Variants in EPHA6 observed in about 807,000 individuals in gnomAD.
EPHA6 encodes the protein EPH receptor A6.
EPHA6 carries 50 observed loss-of-function variants against 112.0 expected under a neutral mutation model. That is an observed-to-expected ratio of 0.45 (90% CI 0.36 to 0.56). The LOEUF (loss-of-function observed/expected upper bound fraction) is 0.56, where lower values mean the gene tolerates loss of function less well. Among genes scored for constraint, EPHA6 ranks in the 20% least tolerant of loss-of-function variants. The probability of loss-of-function intolerance (pLI) is 0.00; values close to 1 mark genes in which losing one functional copy is unlikely to be tolerated. For synonymous variants in EPHA6, 529 were observed against 490.7 expected, an observed-to-expected ratio of 1.08 and a Z score of -1.03; for missense variants, 1,280 against 1,417.4, an observed-to-expected ratio of 0.90 and a Z score of 1.56.
intron 3 of EPHA6, among the ~76,000 whole-genome samples, chr3:97,048,780 G>T (rs376648642): frequency 6.6e-6 from 1 of 152,060 alleles, no homozygotes; most frequent in African/African-American, 2.4e-5. Flanking sequence ...TTTAAATGAG[G>T]AGGAGAGAAA....
At position 97,720,260 on chromosome 3, in the gene EPHA6, G is replaced by T; in HGVS notation, c.2785-1G>T. The T allele has an allele frequency of 1.3e-6, 2 of 1,573,742 alleles. No homozygotes were observed. Among genetic ancestry groups the T allele is most frequent in the East Asian group, 2.3e-5 (1 of 43,216 alleles). On this transcript the variant is annotated splice_acceptor_variant, in intron 14 of 17. Transcript: ENST00000389672. LOFTEE classifies it high-confidence loss of function. ...TAAGAAATCTCCAATTTGTTTTCCA[G>T]GGTGGAAAAATCCCCATAAGGTGGA...
chr3:96,857,894 C>T (rs888361103), intron 1 of EPHA6, among the ~76,000 whole-genome samples: 1 of 152,062 alleles, frequency 6.6e-6, no homozygotes. Context: ...GGTTTAATGA[C>T]CCAATAACCA....
chr3:97,270,189 A>T (rs2108638457), intron 5 of EPHA6, among the ~76,000 whole-genome samples: 1 of 152,356 alleles, frequency 6.6e-6, no homozygotes, highest in East Asian at 1.9e-4. Flanking sequence ...AAGCAAAATT[A>T]CTGTCAAAAA....
intron 16 of EPHA6, among the ~76,000 whole-genome samples, chr3:97,744,769 A>G (rs1162961636): frequency 6.6e-6 from 1 of 152,020 alleles, no homozygotes; most frequent in African/African-American, 2.4e-5. Context: ...TGAAATTTCA[A>G]GAGTGATTCC....
At chr3:97,446,290 G>A (rs1487028492) in intron 6 of EPHA6, among the ~76,000 whole-genome samples, 1 of 150,776 alleles carries the variant, frequency 6.6e-6, no homozygotes, top group East Asian at 1.9e-4. Flanking sequence ...CTCACCGGTA[G>A]TGAGTGATTC....
At chr3:97,744,973 G>A (rs984300691) in intron 16 of EPHA6, among the ~76,000 whole-genome samples, 1 of 151,766 alleles carries the variant, frequency 6.6e-6, no homozygotes, top group Admixed American at 6.6e-5. Flanking sequence ...TCTAACATGT[G>A]GTTTTATTTA....
chr3:97,232,061 C>T (rs1360030353), intron 4 of EPHA6, among the ~76,000 whole-genome samples: 1 of 152,124 alleles, frequency 6.6e-6, no homozygotes, highest in Non-Finnish European at 1.5e-5. Context: ...TTCTGAGGCC[C>T]TGCAGTTTCC....
chr3:97,470,989 G>C (rs573348604), intron 7 of EPHA6, among the ~76,000 whole-genome samples: 1 of 151,578 alleles, frequency 6.6e-6, no homozygotes, highest in African/African-American at 2.4e-5. Context: ...ATGAGTAAAC[G>C]ATACATTTTT....
chr3:97,555,394 G>A (rs941212397), intron 11 of EPHA6, among the ~76,000 whole-genome samples: 1 of 152,010 alleles, frequency 6.6e-6, no homozygotes, highest in Non-Finnish European at 1.5e-5. Flanking sequence ...AAACATACGT[G>A]TGCATGTGTC....
intron 14 of EPHA6, among the ~76,000 whole-genome samples, chr3:97,707,828 G>T (rs1160778780): frequency 1.3e-5 from 2 of 152,262 alleles, no homozygotes; most frequent in East Asian, 1.9e-4. Flanking sequence ...TGGTTTAAAA[G>T]TGTTTGGCAG....
At chr3:97,484,335 G>C (rs1577541355) in intron 10 of EPHA6, among the ~76,000 whole-genome samples, 1 of 152,002 alleles carries the variant, frequency 6.6e-6, no homozygotes, top group Non-Finnish European at 1.5e-5. Flanking sequence ...TTAGGGGTTT[G>C]TCATAAGGTT....
At position 97,286,888 on chromosome 3, in the gene EPHA6, A is replaced by G. The variant is rs181596837; in HGVS notation, c.1606+42601A>G. Reference sequence around the variant, plus strand: ...ATCCATGAGCATGGGTTGTCTTTCCATTTGTTTGTATCTTTTTCAATCACT... The same window carrying G: ...ATCCATGAGCATGGGTTGTCTTTCCGTTTGTTTGTATCTTTTTCAATCACT... On this transcript the variant is annotated intron_variant, in intron 5 of 17. Transcript: ENST00000389672. Among the ~76,000 whole-genome samples, 8 of 150,918 alleles carry G rather than the reference A, an allele frequency of 5.3e-5. No individual in the cohort carries two copies. In the East Asian group the frequency reaches 1.2e-3, roughly 22 times the overall value.
intron 5 of EPHA6, among the ~76,000 whole-genome samples, chr3:97,393,296 T>G (rs2109072079): frequency 6.6e-6 from 1 of 151,938 alleles, no homozygotes; most frequent in South Asian, 2.1e-4. Flanking sequence ...AGAAACTGAA[T>G]TTTATAGAAC....
At chr3:96,876,868 AAAG>A (rs2036988706) in intron 2 of EPHA6, among the ~76,000 whole-genome samples, 1 of 152,050 alleles carries the variant, frequency 6.6e-6, no homozygotes, top group Admixed American at 6.6e-5. Flanking sequence ...TTATATTGCC[AAAG>A]GTTGAATTAG....
At chr3:97,331,447 A>G (rs1284132745) in intron 5 of EPHA6, among the ~76,000 whole-genome samples, 1 of 152,204 alleles carries the variant, frequency 6.6e-6, no homozygotes, top group Non-Finnish European at 1.5e-5. Context: ...TCAAAAAATC[A>G]ATGAATCCAG....
chr3:96,909,857 T>C (rs1018089047), intron 2 of EPHA6, among the ~76,000 whole-genome samples: 3 of 152,052 alleles, frequency 2.0e-5, no homozygotes, highest in Non-Finnish European at 4.4e-5. Flanking sequence ...TCTGACTTTA[T>C]GCTTGACCTT....
chr3:97,144,472 C>G (rs1263063560), intron 3 of EPHA6, among the ~76,000 whole-genome samples: 1 of 147,482 alleles, frequency 6.8e-6, no homozygotes, highest in Non-Finnish European at 1.5e-5. Flanking sequence ...TTTTTTTCAT[C>G]TGTTCATATC....
At chr3:96,842,612 C>T (rs549808478) in intron 1 of EPHA6, among the ~76,000 whole-genome samples, 1 of 152,152 alleles carries the variant, frequency 6.6e-6, no homozygotes, top group South Asian at 2.1e-4. Flanking sequence ...CTGACATTCT[C>T]CCAGTAATTA....
chr3:97,257,567 T>G (rs1378560879), intron 5 of EPHA6, among the ~76,000 whole-genome samples: 2 of 152,030 alleles, frequency 1.3e-5, no homozygotes, highest in Non-Finnish European at 2.9e-5. Context: ...AGTGTATGAT[T>G]TGGTAAAAAT....
Sources: gnomAD v4.1 joint callset for allele counts (sites outside exome capture counted in the v4.1 genomes callset) on GRCh38, gnomAD v4.1.1 for gene constraint, MANE v1.5 for transcripts, NCBI Gene and HGNC (gene_info 2026-07-23, HGNC 2026-07-21) for gene names.